Variants in TIGD5 observed in about 807,000 individuals in gnomAD.
The protein encoded by TIGD5 is tigger transposable element derived 5.
In TIGD5, 24 loss-of-function variants were observed where a neutral mutation model predicts 28.8. That is an observed-to-expected ratio of 0.83 (90% CI 0.60 to 1.17). The LOEUF (loss-of-function observed/expected upper bound fraction) is 1.17. Ranked by LOEUF, TIGD5 falls within the 50% of genes most tolerant of loss-of-function variation. TIGD5 has a pLI of 0.00. For missense variants in TIGD5, 922 were observed against 911.4 expected, an observed-to-expected ratio of 1.01 and a Z score of -0.15; for synonymous variants, 538 against 430.5, an observed-to-expected ratio of 1.25 and a Z score of -3.09.
rs1388499793 is a variant in TIGD5, at chr8:143,599,171, C to G, written c.1268C>G (p.Ala423Gly). The change falls in exon 1 of 1, where the codon GCC (alanine) becomes GGC (glycine). Residue 423 changes from alanine (A) to glycine (G), a missense_variant. Physicochemically the swap from Ala to Gly is moderately conservative, Grantham distance 60. Transcript: ENST00000504548. ...GCACCGCTGGAGCAGGGCGTGGTGG[C>G]CGCCTTCAAACAGCTGTACAAGCGC... The part of the protein sequence containing the change: ...IPAPLEQGVV[A>G]AFKQLYKREL... 1 of 1,608,642 alleles carries G rather than the reference C, an allele frequency of 6.2e-7. No individual in the cohort carries two copies. Among genetic ancestry groups the G allele is most frequent in the Middle Eastern group, 1.7e-4 (1 of 6,056 alleles).
rs549888404 is a variant in TIGD5 at position 143,598,271 on chromosome 8, A to G, written c.368A>G (p.Glu123Gly). ...AAGATGCGGCTGGCCAACGAGGAGG[A>G]GATCGACCGCGCCGTGTACGCCTGG... The part of the protein sequence containing the change: ...RKKMRLANEE[E>G]IDRAVYAWFL... Residue 123 changes from glutamate (E) to glycine (G), a missense_variant, in exon 1 of 1, where the codon GAG becomes GGG. By Grantham distance (98) the Glu-to-Gly change is moderately conservative. Coordinates refer to ENST00000504548, the MANE Select transcript of TIGD5 (RefSeq NM_032862.5). This position sits in a 1 kb window ranked among gnomAD's most constrained non-coding sequence, Gnocchi z 6.6. 1 of 1,609,822 alleles carries G rather than the reference A, an allele frequency of 6.2e-7. No homozygotes were observed. Among genetic ancestry groups the G allele is most frequent in the East Asian group, 2.2e-5 (1 of 44,602 alleles).
Position 143,601,142 on chromosome 8 carries a change from G to A in TIGD5, c.*1310G>A, listed in dbSNP as rs954187054. On this transcript the variant is annotated 3_prime_UTR_variant, in exon 1 of 1. Transcript: ENST00000504548. ...CAGCTTGGCAGTGGGGCAGCTGGAG[G>A]GTGTCCCCCAAAAGTGACCTTTATA... 2 of 152,244 alleles carry A rather than the reference G, an allele frequency of 1.3e-5. No individual in the cohort carries two copies. The highest frequency in any genetic ancestry group is 4.8e-5 in the African/African-American group (2 of 41,432). 9.4% of individuals were successfully genotyped at this position (152,244 alleles called of 1,614,324 possible).
In TIGD5 at chr8:143,599,889, C is replaced by T; in HGVS notation, c.*57C>T. On this transcript the variant is annotated 3_prime_UTR_variant, in exon 1 of 1. Transcript: ENST00000504548. ...CACTTGGAGGGAGGGGACATACACA[C>T]AGTCTCCCATCTCTCCTCCCCTCCC... 1.4e-6 allele frequency: 2 copies of T among 1,424,638 alleles called. No homozygotes were observed. Among genetic ancestry groups the T allele is most frequent in the Non-Finnish European group, 1.8e-6 (2 of 1,096,046 alleles). 88.2% of individuals were successfully genotyped at this position (1,424,638 alleles called of 1,614,324 possible).
rs867839837 is a variant in TIGD5, at chr8:143,599,492, C to A, written c.1589C>A (p.Ala530Glu). 6.3e-7 allele frequency: 1 copy of A among 1,591,478 alleles called. No homozygotes were observed. Among genetic ancestry groups the A allele is most frequent in the Non-Finnish European group, 8.5e-7 (1 of 1,169,984 alleles). ...AAGTGCCTGGCTCCGGAGGAGGTTG[C>A]GGAGTGGCTGCACCTGGACGATGAT... ...AYKCLAPEEV[A>E]EWLHLDDDGG... Residue 530 changes from alanine to glutamate, a missense_variant, in exon 1 of 1, where the codon GCG becomes GAG. Transcript: ENST00000504548.
In TIGD5 at chr8:143,599,536, T is replaced by G. The variant is rs908136489; in HGVS notation, c.1633T>G (p.Cys545Gly). Residue 545 changes from cysteine (C) to glycine (G), a missense_variant, in exon 1 of 1, where the codon TGC becomes GGC. By Grantham distance (159) the Cys-to-Gly change is radical. Around this residue, in one of 3 missense-constraint regions of TIGD5, gnomAD observed 821 missense variants for 815.2 expected, o/e 1.01. Transcript: ENST00000504548. ...CGATGATGGGGGTCCGCCCGAGGGC[T>G]GCAGGGAGGAGGTGGGCCCAGCCCT... ...LDDDGGPPEG[C>G]REEVGPALPP... 29 of 1,578,978 alleles carry G rather than the reference T, an allele frequency of 1.8e-5. No individual in the cohort carries two copies. Among genetic ancestry groups the G allele is most frequent in the Non-Finnish European group, 2.5e-5 (29 of 1,164,026 alleles).
rs1161777503 is a variant in TIGD5 at position 143,602,120 on chromosome 8, G to A, written c.*2288G>A. ...CAAAAAAAAAAAAAAAAAAGTGCAGGTGCACGCTGGTGGGGACATTAGGAG... is the reference window on the plus strand; with the variant it reads ...CAAAAAAAAAAAAAAAAAAGTGCAGATGCACGCTGGTGGGGACATTAGGAG... On this transcript the variant is annotated 3_prime_UTR_variant, in exon 1 of 1. Transcript: ENST00000504548. 6.8e-6 allele frequency: 1 copy of A among 146,108 alleles called. No individual in the cohort carries two copies. Among genetic ancestry groups the A allele is most frequent in the Non-Finnish European group, 1.5e-5 (1 of 66,224 alleles). 9.1% of individuals were successfully genotyped at this position (146,108 alleles called of 1,614,324 possible).
chr8:143,598,334 G>C lies in TIGD5; in HGVS notation c.431G>C (p.Gly144Ala). ...CGCCAGCACGGGGTGCCGCTGTCTG[G>C]CCCGCTCATCCAGGCGCAGGCCGAG... ...ALRQHGVPLS[G>A]PLIQAQAEAF... is the part of the protein sequence containing the mutation. Residue 144 changes from glycine to alanine, a missense_variant, in exon 1 of 1, where the codon GGC (glycine) becomes GCC (alanine). Physicochemically the swap from Gly to Ala is moderately conservative, Grantham distance 60. This residue lies in a region of TIGD5 where 821 missense variants were observed against 815.2 expected (regional missense o/e 1.01). Transcript: ENST00000504548. The surrounding 1 kb of genome is among the most constrained non-coding windows in gnomAD (Gnocchi z 6.6). 4 of 1,604,860 alleles carry C rather than the reference G, an allele frequency of 2.5e-6. No homozygotes were observed. Among genetic ancestry groups the C allele is most frequent in the Admixed American group, 3.4e-5 (2 of 59,596 alleles).
At position 143,598,587 on chromosome 8, in the gene TIGD5, G is replaced by A. The variant is rs936900602; in HGVS notation, c.684G>A (p.Glu228=). The part of the protein sequence containing the change: ...DRAPAPPPPA[E]GGYGDEQIYS... ...CCCCGGCCCCGCCGCCCCCGGCCGA[G>A]GGCGGCTACGGGGACGAGCAGATTT... is the stretch of plus-strand genomic sequence containing the variant. Residue 228 remains glutamate, a synonymous_variant, in exon 1 of 1, where the codon GAG becomes GAA. Transcript: ENST00000504548. The surrounding 1 kb of genome is among the most constrained non-coding windows in gnomAD (Gnocchi z 6.6). 1 of 1,360,704 alleles carries A rather than the reference G, an allele frequency of 7.3e-7. No individual in the cohort carries two copies. Among genetic ancestry groups the A allele is most frequent in the Non-Finnish European group, 9.4e-7 (1 of 1,064,304 alleles). The allele number at this position is 1,360,704 out of a possible 1,614,324, so 84.3% of individuals were successfully genotyped here.
Position 143,597,928 on chromosome 8 carries a change from G to A in TIGD5, c.25G>A (p.Gly9Ser). The change falls in exon 1 of 1, where the codon GGC (glycine) becomes AGC (serine). Residue 9 changes from glycine (G) to serine (S), a missense_variant. Gly to Ser is a moderately conservative substitution (Grantham distance 56). Around this residue, in one of 3 missense-constraint regions of TIGD5, gnomAD observed 87 missense variants for 60.9 expected, o/e 1.43. Transcript: ENST00000504548. The stretch of plus-strand genomic sequence containing the variant: ...CATGTACCCCGCGGGCCCCCCGGCC[G>A]GCCCGGTACCGCGCCGCGGCCGCCG... The part of the protein sequence containing the change: MYPAGPPA[G>S]PVPRRGRRPL... 3.5e-6 allele frequency: 3 copies of A among 852,518 alleles called. No individual in the cohort carries two copies. The highest frequency in any genetic ancestry group is 4.2e-6 in the Non-Finnish European group (3 of 713,174). The allele number at this position is 852,518 out of a possible 1,614,324, so 52.8% of individuals were successfully genotyped here.
rs959339122 is a variant in TIGD5, at chr8:143,598,562, C to T, written c.659C>T (p.Ala220Val). ...PSGAGPLPDR[A>V]PAPPPPAEGG... Reference sequence around the variant, plus strand: ...GGCGCCGGCCCCCTGCCCGACCGCGCCCCGGCCCCGCCGCCCCCGGCCGAG... The same window carrying T: ...GGCGCCGGCCCCCTGCCCGACCGCGTCCCGGCCCCGCCGCCCCCGGCCGAG... The change falls in exon 1 of 1, where the codon GCC becomes GTC. Residue 220 changes from alanine (A) to valine (V), a missense_variant. By Grantham distance (64) the Ala-to-Val change is moderately conservative. This residue lies in a region of TIGD5 where 821 missense variants were observed against 815.2 expected (regional missense o/e 1.01). Transcript: ENST00000504548. This position sits in a 1 kb window ranked among gnomAD's most constrained non-coding sequence, Gnocchi z 6.6. 1 of 1,320,220 alleles carries T rather than the reference C, an allele frequency of 7.6e-7. No individual in the cohort carries two copies. Among genetic ancestry groups the T allele is most frequent in the South Asian group, 2.1e-5 (1 of 48,100 alleles). The allele number at this position is 1,320,220 out of a possible 1,614,324, so 81.8% of individuals were successfully genotyped here.
rs745400112 is a variant in TIGD5, at chr8:143,599,769, C to T, written c.1866C>T (p.Ile622=). The T allele has an allele frequency of 2.7e-6, 4 of 1,489,860 alleles. No individual in the cohort carries two copies. Among genetic ancestry groups the T allele is most frequent in the South Asian group, 1.4e-5 (1 of 74,002 alleles). 92.3% of individuals were successfully genotyped at this position (1,489,860 alleles called of 1,614,324 possible). Residue 622 remains isoleucine, a synonymous_variant, in exon 1 of 1, where the codon ATC becomes ATT. Transcript: ENST00000504548. Reference sequence around the variant, plus strand: ...GGCTGGTGCAGTTGCGCTCACTCATCAGCATGGCCCGGAGGCTGGGGGGCA... The same window carrying T: ...GGCTGGTGCAGTTGCGCTCACTCATTAGCATGGCCCGGAGGCTGGGGGGCA... ...PLRLVQLRSL[I]SMARRLGGIG...
At position 143,598,589 on chromosome 8, in the gene TIGD5, G is replaced by C. The variant is rs1829156624; in HGVS notation, c.686G>C (p.Gly229Ala). 7.3e-7 allele frequency: 1 copy of C among 1,366,784 alleles called. No individual in the cohort carries two copies. Among genetic ancestry groups the C allele is most frequent in the African/African-American group, 1.5e-5 (1 of 64,664 alleles). 84.7% of individuals were successfully genotyped at this position (1,366,784 alleles called of 1,614,324 possible). ...CCGGCCCCGCCGCCCCCGGCCGAGG[G>C]CGGCTACGGGGACGAGCAGATTTAC... Reference protein sequence around the residue: ...RAPAPPPPAEGGYGDEQIYSA... With the variant: ...RAPAPPPPAEAGYGDEQIYSA... Residue 229 changes from glycine to alanine, a missense_variant, in exon 1 of 1, where the codon GGC becomes GCC. By Grantham distance (60) the Gly-to-Ala change is moderately conservative (BLOSUM62 0). Coordinates refer to ENST00000504548, the MANE Select transcript of TIGD5 (RefSeq NM_032862.5). This position sits in a 1 kb window ranked among gnomAD's most constrained non-coding sequence, Gnocchi z 6.6.
chr8:143,598,836 C>T lies in TIGD5; in HGVS notation c.933C>T (p.Phe311=), dbSNP rs1829172162. 1.2e-6 allele frequency: 2 copies of T among 1,601,048 alleles called. No individual in the cohort carries two copies. Among genetic ancestry groups the T allele is most frequent in the Non-Finnish European group, 1.7e-6 (2 of 1,179,594 alleles). ...TGCGCCACCACAACCAGGACAAGTT[C>T]CCGGCCTCCTACCGCTACAGCCCCG... ...PSLRHHNQDK[F]PASYRYSPDA... The change falls in exon 1 of 1, where the codon TTC becomes TTT. Residue 311 remains phenylalanine, a synonymous_variant. Transcript: ENST00000504548. The surrounding 1 kb of genome is among the most constrained non-coding windows in gnomAD (Gnocchi z 6.6).
Position 143,598,487 on chromosome 8 carries a change from C to G in TIGD5, c.584C>G (p.Pro195Arg). ...TACGGCGAGGCCGGGCCCCCAGCCC[C>G]GAGCCCCGCGCCCGGCCCGCCCGTC... ...RFYGEAGPPA[P>R]SPAPGPPVKE... Residue 195 changes from proline (P) to arginine (R), a missense_variant, in exon 1 of 1, where the codon CCG becomes CGG. Physicochemically the swap from Pro to Arg is moderately radical, Grantham distance 103 (BLOSUM62 -2). Around this residue, in one of 3 missense-constraint regions of TIGD5, gnomAD observed 821 missense variants for 815.2 expected, o/e 1.01. Transcript: ENST00000504548. The surrounding 1 kb of genome is among the most constrained non-coding windows in gnomAD (Gnocchi z 6.6). 1.4e-6 allele frequency: 2 copies of G among 1,389,332 alleles called. No individual in the cohort carries two copies. The highest frequency in any genetic ancestry group is 3.1e-5 in the South Asian group (2 of 64,656). The allele number at this position is 1,389,332 out of a possible 1,614,324, so 86.1% of individuals were successfully genotyped here.
At position 143,598,030 on chromosome 8, in the gene TIGD5, C is replaced by G; in HGVS notation, c.127C>G (p.Arg43Gly). Residue 43 changes from arginine to glycine, a missense_variant, in exon 1 of 1, where the codon CGG (arginine) becomes GGG (glycine). Physicochemically the swap from Arg to Gly is moderately radical, Grantham distance 125. Coordinates refer to ENST00000504548, the MANE Select transcript of TIGD5 (RefSeq NM_032862.5). This position sits in a 1 kb window ranked among gnomAD's most constrained non-coding sequence, Gnocchi z 6.6. ...GCCGCCGCCCCCCGCGCCCGGGCCGCGGCCCCGCGTGGCCGTGAAGATGGC... is the reference window on the plus strand; with the variant it reads ...GCCGCCGCCCCCCGCGCCCGGGCCGGGGCCCCGCGTGGCCGTGAAGATGGC... ...ARPPPPAPGPRPRVAVKMAFR... is the reference protein window; with the variant it reads ...ARPPPPAPGPGPRVAVKMAFR... 7.6e-7 allele frequency: 1 copy of G among 1,316,162 alleles called. No individual in the cohort carries two copies. The highest frequency in any genetic ancestry group is 2.0e-5 in the South Asian group (1 of 50,138). 81.5% of individuals were successfully genotyped at this position (1,316,162 alleles called of 1,614,324 possible). A position where few individuals can be genotyped will look rare whatever the true frequency, so the allele number is the denominator to read the frequency against.
rs1430581606 is a variant in TIGD5, at chr8:143,601,389, AC to A, written c.*1558del. ...CCTGCAGGAAGAGCCTCTGGCCTGA[AC>A]TGCTGGGGATGGGCTGCAGAAAGCC... On this transcript the variant is annotated 3_prime_UTR_variant, in exon 1 of 1. Coordinates refer to ENST00000504548, the MANE Select transcript of TIGD5 (RefSeq NM_032862.5). The A allele has an allele frequency of 6.6e-6, 1 of 152,238 alleles. No individual in the cohort carries two copies. The highest frequency in any genetic ancestry group is 2.4e-5 in the African/African-American group (1 of 41,470). 9.4% of individuals were successfully genotyped at this position (152,238 alleles called of 1,614,324 possible).
chr8:143,598,490 G>C lies in TIGD5; in HGVS notation c.587G>C (p.Ser196Thr), dbSNP rs1380826101. The C allele has an allele frequency of 7.2e-7, 1 of 1,381,290 alleles. No homozygotes were observed. Among genetic ancestry groups the C allele is most frequent in the African/African-American group, 1.5e-5 (1 of 65,198 alleles). 85.6% of individuals were successfully genotyped at this position (1,381,290 alleles called of 1,614,324 possible). Residue 196 changes from serine (S) to threonine (T), a missense_variant, in exon 1 of 1, where the codon AGC becomes ACC. Coordinates refer to ENST00000504548, the MANE Select transcript of TIGD5 (RefSeq NM_032862.5). This position sits in a 1 kb window ranked among gnomAD's most constrained non-coding sequence, Gnocchi z 6.6. Reference protein sequence around the residue: ...FYGEAGPPAPSPAPGPPVKEE... With the variant: ...FYGEAGPPAPTPAPGPPVKEE... ...GGCGAGGCCGGGCCCCCAGCCCCGA[G>C]CCCCGCGCCCGGCCCGCCCGTCAAG...
Position 143,599,466 on chromosome 8 carries a change from C to CT in TIGD5, c.1563_1564insT (p.Lys522Ter). 1.3e-6 allele frequency: 2 copies of CT among 1,590,408 alleles called. No homozygotes were observed. The highest frequency in any genetic ancestry group is 8.6e-7 in the Non-Finnish European group (1 of 1,169,274). On this transcript the variant is annotated frameshift_variant, in exon 1 of 1. Transcript: ENST00000504548. LOFTEE classifies it low-confidence loss of function (END_TRUNC). ...TCACCCACCTGGCGGCTCTGGCCTACAAGTGCCTGGCTCCGGAGGAGGTTG... is the reference window on the plus strand; with the variant it reads ...TCACCCACCTGGCGGCTCTGGCCTACTAAGTGCCTGGCTCCGGAGGAGGTTG...
chr8:143,598,134 G>T lies in TIGD5; in HGVS notation c.231G>T (p.Val77=). 1.3e-6 allele frequency: 2 copies of T among 1,589,430 alleles called. No homozygotes were observed. Among genetic ancestry groups the T allele is most frequent in the Non-Finnish European group, 1.7e-6 (2 of 1,169,978 alleles). ...RVKGGERQAS[V]CRDFGVPGGT... The stretch of plus-strand genomic sequence containing the variant: ...AGGGCGGCGAGCGGCAGGCCAGTGT[G>T]TGCCGCGACTTCGGCGTGCCGGGCG... The change falls in exon 1 of 1, where the codon GTG becomes GTT. Residue 77 remains valine, a synonymous_variant. Transcript: ENST00000504548. The surrounding 1 kb of genome is among the most constrained non-coding windows in gnomAD (Gnocchi z 6.6).
Sources: allele counts gnomAD v4.1 joint callset, GRCh38; gene constraint gnomAD v4.1.1; regional missense constraint gnomAD v4.1.1; non-coding constraint Gnocchi (gnomAD v3.1); transcripts MANE v1.5; gene names NCBI Gene and HGNC (gene_info 2026-07-23, HGNC 2026-07-21).